The following SLC25A26 variants were observed in gnomAD, a reference collection of about 807,000 sequenced individuals.
SLC25A26 encodes mitochondrial S-adenosylmethionine carrier protein.
SLC25A26 carries 36 observed loss-of-function variants against 37.8 expected under a neutral mutation model. That is an observed-to-expected ratio of 0.95 (90% confidence interval 0.73 to 1.26). The LOEUF (loss-of-function observed/expected upper bound fraction) is 1.26. SLC25A26 is among the 50% of genes most tolerant of loss of function. The pLI is 0.00. For missense variants in SLC25A26, 390 were observed against 331.1 expected (o/e 1.18, Z -1.38); for synonymous variants, 129 against 122.5 (o/e 1.05, Z -0.35).
intron 7 of SLC25A26, among the ~76,000 whole-genome samples, chr3:66,364,213 G>T (rs1317859786): frequency 6.6e-6 from 1 of 152,180 alleles, no homozygotes; most frequent in Non-Finnish European, 1.5e-5. Flanking sequence ...CAGAGACATT[G>T]TTACTATTAA....
chr3:66,193,606 G>T (rs977768942), intron 1 of SLC25A26, among the ~76,000 whole-genome samples: 1,640 of 151,950 alleles, frequency 0.011, 43 homozygotes, highest in African/African-American at 0.038. Flanking sequence ...TGTGTTTTGG[G>T]GGTAGTCCAC....
chr3:66,202,646 C>T (rs958560958), intron 1 of SLC25A26, among the ~76,000 whole-genome samples: 7 of 151,890 alleles, frequency 4.6e-5, no homozygotes, highest in Non-Finnish European at 1.0e-4. Context: ...TGTTCAACAG[C>T]GAGAACTCCC....
chr3:66,282,709 G>A (rs1439997341), intron 5 of SLC25A26, among the ~76,000 whole-genome samples: 1 of 152,150 alleles, frequency 6.6e-6, no homozygotes, highest in Admixed American at 6.5e-5. Flanking sequence ...TTTATTTTAA[G>A]AATTATACTG....
intron 2 of SLC25A26, among the ~76,000 whole-genome samples, chr3:66,240,747 CTTT>C (rs782761312): frequency 2.3e-5 from 3 of 129,142 alleles, no homozygotes; most frequent in Non-Finnish European, 1.6e-5. Flanking sequence ...CTTTTCTTTT[CTTT>C]TTTTTTTTTT....
intron 3 of SLC25A26, among the ~76,000 whole-genome samples, chr3:66,244,080 A>G (rs1473019840): frequency 6.6e-6 from 1 of 152,160 alleles, no homozygotes. Flanking sequence ...ACAGCCCTAT[A>G]CAAACTGCTT....
intron 6 of SLC25A26, among the ~76,000 whole-genome samples, chr3:66,361,087 C>G (rs2076696999): frequency 1.3e-5 from 2 of 152,004 alleles, no homozygotes; most frequent in Non-Finnish European, 2.9e-5. Flanking sequence ...AGAAATAGAC[C>G]CACACATATG....
At chr3:66,272,078 ATT>A (rs1195648464) in intron 5 of SLC25A26, among the ~76,000 whole-genome samples, 1 of 152,184 alleles carries the variant, frequency 6.6e-6, no homozygotes, top group Non-Finnish European at 1.5e-5. Context: ...AATGTGTGTC[ATT>A]TTAGATGGAA....
intron 5 of SLC25A26, among the ~76,000 whole-genome samples, chr3:66,307,759 C>T (rs1477811196): frequency 6.6e-6 from 1 of 152,188 alleles, no homozygotes; most frequent in Admixed American, 6.5e-5. Flanking sequence ...AATAGGGAAT[C>T]CTTTCCCCAC....
At chr3:66,315,080 ATTT>A (rs58312800) in intron 5 of SLC25A26, among the ~76,000 whole-genome samples, 27,159 of 119,374 alleles carry the variant, frequency 0.23, 2,582 homozygotes, top group African/African-American at 0.28. Context: ...GGATTCTTTG[ATTT>A]TTTTTTTTTT....
chr3:66,297,805 CA>C (rs1230866683), intron 5 of SLC25A26, among the ~76,000 whole-genome samples: 5 of 152,176 alleles, frequency 3.3e-5, no homozygotes, highest in Admixed American at 1.3e-4. Flanking sequence ...TGACTCTTTA[CA>C]GAAAAAGTTT....
intron 5 of SLC25A26, among the ~76,000 whole-genome samples, chr3:66,302,346 C>A (rs973490212): frequency 8.5e-5 from 13 of 152,302 alleles, no homozygotes; most frequent in African/African-American, 3.1e-4. Context: ...TTTTCTTGGA[C>A]AATCTGGGTA....
chr3:66,346,329 G>C (rs761634801), intron 5 of SLC25A26, 35 bp from the exon 6 acceptor site: 3 of 1,261,314 alleles, frequency 2.4e-6, no homozygotes, highest in South Asian at 1.5e-5. Flanking sequence ...GCTCTTTTTT[G>C]CCTAATTTAT....
chr3:66,331,812 A>G (rs887664774), intron 5 of SLC25A26, among the ~76,000 whole-genome samples: 2 of 152,202 alleles, frequency 1.3e-5, no homozygotes, highest in African/African-American at 4.8e-5. Context: ...TGTCTTTGCT[A>G]TAATAACTTC....
intron 3 of SLC25A26, among the ~76,000 whole-genome samples, chr3:66,260,812 T>C (rs931306211): frequency 1.3e-5 from 2 of 152,256 alleles, no homozygotes; most frequent in Non-Finnish European, 2.9e-5. Flanking sequence ...GATGCTTTTG[T>C]GCTAAAACAG....
Position 66,243,239 on chromosome 3 carries a change from G to T in SLC25A26, c.227G>T (p.Trp76Leu), listed in dbSNP as rs782714436. The change falls in exon 3 of 10, where the codon TGG becomes TTG. Residue 76 changes from tryptophan to leucine, a missense_variant. Trp to Leu is a moderately conservative substitution (Grantham distance 61). Coordinates refer to ENST00000354883, the MANE Select transcript of SLC25A26 (RefSeq NM_001379210.1). ...TTTATCACCTATGAATATGTGAAGT[G>T]GTTTTTGCATGCTGATTCATCTTCA... The part of the protein sequence containing the change: ...AFFITYEYVK[W>L]FLHADSSSYL... The T allele has an allele frequency of 6.2e-7, 1 of 1,608,674 alleles. No individual in the cohort carries two copies. The highest frequency in any genetic ancestry group is 2.2e-5 in the East Asian group (1 of 44,686).
chr3:66,232,879 C>G (rs1014275948), intron 1 of SLC25A26, among the ~76,000 whole-genome samples: 1 of 152,176 alleles, frequency 6.6e-6, no homozygotes, highest in African/African-American at 2.4e-5. Flanking sequence ...GCAGCGAGCA[C>G]TGCAGGGAGA....
intron 5 of SLC25A26, among the ~76,000 whole-genome samples, chr3:66,324,746 C>G (rs369615507): frequency 6.6e-6 from 1 of 150,940 alleles, no homozygotes; most frequent in Non-Finnish European, 1.5e-5. Flanking sequence ...TTCTCACTGT[C>G]GTGATTTTTG....
chr3:66,262,583 G>A (rs1005344086), intron 4 of SLC25A26, among the ~76,000 whole-genome samples: 2 of 152,210 alleles, frequency 1.3e-5, no homozygotes, highest in Non-Finnish European at 2.9e-5. Context: ...GAAGCTGTCA[G>A]TCAGAAATTA....
chr3:66,366,138 G>T (rs1011310137), intron 7 of SLC25A26, among the ~76,000 whole-genome samples: 1 of 152,154 alleles, frequency 6.6e-6, no homozygotes, highest in African/African-American at 2.4e-5. Flanking sequence ...CTAACATTCA[G>T]TACAAACCTA....
Sources: allele counts gnomAD v4.1 joint callset (sites outside exome capture counted in the v4.1 genomes callset), GRCh38; gene constraint gnomAD v4.1.1; transcripts MANE v1.5; gene names NCBI Gene and HGNC (gene_info 2026-07-23, HGNC 2026-07-21).